The following KDM2A variants were observed in gnomAD, a reference collection of about 807,000 sequenced individuals.
The protein encoded by KDM2A is lysine demethylase 2A.
Under a neutral mutation model 137.3 loss-of-function variants are expected in KDM2A, and 3 were observed. That is an observed-to-expected ratio of 0.02 (90% CI 0.01 to 0.06). KDM2A has a LOEUF of 0.06. Ranked by LOEUF, KDM2A falls within the 10% of genes least tolerant of loss-of-function variation. KDM2A has a pLI of 1.00. For synonymous variants in KDM2A, 512 were observed against 541.5 expected, an observed-to-expected ratio of 0.95 and a Z score of 0.76; for missense variants, 738 against 1,510.6, an observed-to-expected ratio of 0.49 and a Z score of 8.48.
intron 13 of KDM2A, 59 bp downstream of exon 13, chr11:67,243,151 A>G: frequency 8.0e-7 from 1 of 1,253,920 alleles, no homozygotes; most frequent in Non-Finnish European, 1.2e-6. Flanking sequence ...GTTGATCATT[A>G]CCATTCTGGG....
intron 12 of KDM2A, among the ~76,000 whole-genome samples, chr11:67,235,682 C>T (rs1247023949): frequency 6.6e-6 from 1 of 151,596 alleles, no homozygotes; most frequent in African/African-American, 2.4e-5. Flanking sequence ...GGTGCAGTGG[C>T]GCCATCTCGG....
At chr11:67,185,717 C>A (rs1857187113) in intron 5 of KDM2A, among the ~76,000 whole-genome samples, 1 of 151,768 alleles carries the variant, frequency 6.6e-6, no homozygotes, top group Non-Finnish European at 1.5e-5. Context: ...GCAGTGGGAT[C>A]TTTAAGAGAT....
rs918162764 is a variant in KDM2A at position 67,255,132 on chromosome 11, G to T, written c.*77G>T. 3 of 1,348,600 alleles carry T rather than the reference G, an allele frequency of 2.2e-6. No individual in the cohort carries two copies. In the African/African-American group the frequency reaches 4.4e-5, roughly 20 times the overall value. The allele number at this position is 1,348,600 out of a possible 1,614,324, so 83.5% of individuals were successfully genotyped here. A position where few individuals can be genotyped will look rare whatever the true frequency, so the allele number is the denominator to read the frequency against. Reference sequence around the variant, plus strand: ...CCGAGGAGAGCCTCTCCTCGACCCTGCACGGGCTCTGAGGCCAGCGTCACA... The same window carrying T: ...CCGAGGAGAGCCTCTCCTCGACCCTTCACGGGCTCTGAGGCCAGCGTCACA... On this transcript the variant is annotated 3_prime_UTR_variant, in exon 21 of 21. Coordinates refer to ENST00000529006, the MANE Select transcript of KDM2A (RefSeq NM_012308.3).
intron 6 of KDM2A, among the ~76,000 whole-genome samples, chr11:67,214,100 G>A (rs1858080385): frequency 2.0e-5 from 3 of 152,004 alleles, no homozygotes; most frequent in Non-Finnish European, 4.4e-5. Context: ...GAGTGCAGTG[G>A]CACCATCTCG....
chr11:67,249,698 T>C (rs1397353511), intron 16 of KDM2A, among the ~76,000 whole-genome samples: 1 of 152,164 alleles, frequency 6.6e-6, no homozygotes, highest in Non-Finnish European at 1.5e-5. Context: ...GAGTCAAACT[T>C]AGACTGTGGT....
At chr11:67,176,700 A>G (rs1267640706) in intron 2 of KDM2A, among the ~76,000 whole-genome samples, 4 of 152,180 alleles carry the variant, frequency 2.6e-5, no homozygotes, top group Admixed American at 2.6e-4. Flanking sequence ...ACAGCATGTT[A>G]CAGTACTGAA....
chr11:67,214,207 A>ATTTT (rs58629654), intron 6 of KDM2A, among the ~76,000 whole-genome samples: 1 of 103,332 alleles, frequency 9.7e-6, no homozygotes. Context: ...TGCGCAGCTA[A>ATTTT]TTTTTTTTTT....
intron 2 of KDM2A, among the ~76,000 whole-genome samples, chr11:67,143,821 C>T (rs911570595): frequency 1.3e-5 from 2 of 151,656 alleles, no homozygotes; most frequent in Admixed American, 1.3e-4. Context: ...TTAGTACAGA[C>T]AGGGTTTTCT....
chr11:67,216,564 A>C (rs978723549), intron 8 of KDM2A, among the ~76,000 whole-genome samples: 4 of 152,214 alleles, frequency 2.6e-5, no homozygotes, highest in African/African-American at 9.6e-5. Context: ...TCTAACTTGC[A>C]GTGAATGCAT....
intron 2 of KDM2A, among the ~76,000 whole-genome samples, chr11:67,149,560 T>TA (rs1020297232): frequency 1.1e-4 from 17 of 152,074 alleles, no homozygotes; most frequent in African/African-American, 4.1e-4. Flanking sequence ...ACCTTAATCC[T>TA]AACCCCTTCA....
In KDM2A at chr11:67,245,516, A is replaced by C. The variant is rs1042606315; in HGVS notation, c.1833+58A>C. ...AGGGGTGGCAGTGCCAAAGGAACTGAAATACATATAGTGTAGAGTTAAAGA... is the reference window on the plus strand; with the variant it reads ...AGGGGTGGCAGTGCCAAAGGAACTGCAATACATATAGTGTAGAGTTAAAGA... On this transcript the variant is annotated intron_variant, in intron 14 of 20. Coordinates refer to ENST00000529006, the MANE Select transcript of KDM2A (RefSeq NM_012308.3). The surrounding 1 kb of genome is among the most constrained non-coding windows in gnomAD (Gnocchi z 4.1). The C allele has an allele frequency of 2.8e-5, 44 of 1,565,254 alleles. No individual in the cohort carries two copies. Among genetic ancestry groups the C allele is most frequent in the African/African-American group, 5.4e-5 (4 of 73,914 alleles).
chr11:67,224,827 C>T lies in KDM2A; in HGVS notation c.958-3210C>T, dbSNP rs868058054. Reference sequence around the variant, plus strand: ...CACCAGGGGCACTTGGCAGCTGCAGCATTTTTTTTTTTTTTTTTTTTTTTT... The same window carrying T: ...CACCAGGGGCACTTGGCAGCTGCAGTATTTTTTTTTTTTTTTTTTTTTTTT... On this transcript the variant is annotated intron_variant, in intron 10 of 20. Transcript: ENST00000529006. Among the ~76,000 whole-genome samples, 17 of 110,700 alleles carry T rather than the reference C, an allele frequency of 1.5e-4. No individual in the cohort carries two copies. In the South Asian group the frequency reaches 4.6e-3, roughly 30 times the overall value. 72.6% of individuals were successfully genotyped at this position (110,700 alleles called of 152,430 possible).
At chr11:67,253,019 G>A (rs369902675) in intron 18 of KDM2A, among the ~76,000 whole-genome samples, 162 bp downstream of exon 18, 1 of 152,188 alleles carries the variant, frequency 6.6e-6, no homozygotes, top group East Asian at 1.9e-4. Flanking sequence ...GCCATCTTAA[G>A]TGTCAGTCTC....
At chr11:67,207,448 T>G in intron 5 of KDM2A, 62 bp from the exon 6 acceptor site, 1 of 1,251,500 alleles carries the variant, frequency 8.0e-7, no homozygotes, top group South Asian at 2.2e-5. Context: ...TAAAAAATAT[T>G]CTTACTATAT....
At chr11:67,163,010 A>G (rs1020740901) in intron 2 of KDM2A, among the ~76,000 whole-genome samples, 1 of 152,190 alleles carries the variant, frequency 6.6e-6, no homozygotes, top group Non-Finnish European at 1.5e-5. Context: ...AAGCGTGGCC[A>G]TGATTTCTTT....
intron 2 of KDM2A, among the ~76,000 whole-genome samples, chr11:67,138,756 C>T (rs915677218): frequency 1.3e-5 from 2 of 152,048 alleles, no homozygotes; most frequent in African/African-American, 4.8e-5. Flanking sequence ...ATTCTTGGAT[C>T]CTACCCCAAA....
chr11:67,159,166 T>C (rs548662521), intron 2 of KDM2A, among the ~76,000 whole-genome samples: 1 of 152,282 alleles, frequency 6.6e-6, no homozygotes, highest in African/African-American at 2.4e-5. Flanking sequence ...TTTAGGCCTA[T>C]GATCTTTTTT....
intron 2 of KDM2A, among the ~76,000 whole-genome samples, chr11:67,151,714 C>T (rs1046387843): frequency 3.3e-5 from 5 of 151,800 alleles, no homozygotes; most frequent in Non-Finnish European, 5.9e-5. Flanking sequence ...TTTACATTGA[C>T]GATATATTGG....
chr11:67,186,290 A>ACT (rs1342779944), intron 5 of KDM2A, among the ~76,000 whole-genome samples: 1 of 152,164 alleles, frequency 6.6e-6, no homozygotes, highest in East Asian at 1.9e-4. Context: ...ATCCTCAGTA[A>ACT]AATTATGAAC....
Sources: allele counts gnomAD v4.1 joint callset (sites outside exome capture counted in the v4.1 genomes callset), GRCh38; gene constraint gnomAD v4.1.1; non-coding constraint Gnocchi (gnomAD v3.1); transcripts MANE v1.5; gene names NCBI Gene and HGNC (gene_info 2026-07-23, HGNC 2026-07-21).